FAM117B: variants seen among roughly 807,000 people sequenced by gnomAD.
FAM117B encodes the protein protein FAM117B.
FAM117B carries 22 observed loss-of-function variants against 52.8 expected under a neutral mutation model. That is an observed-to-expected ratio of 0.42 (90% CI 0.30 to 0.59). FAM117B has a LOEUF of 0.59. FAM117B is among the 20% of genes least tolerant of loss of function. The probability of loss-of-function intolerance (pLI) is 0.22; values close to 1 mark genes in which losing one functional copy is unlikely to be tolerated. For synonymous variants in FAM117B, 309 were observed against 324.1 expected (o/e 0.95, Z 0.50); for missense variants, 678 against 802.6 (o/e 0.84, Z 1.88).
At chr2:202,677,217 A>G (rs1465302530) in intron 1 of FAM117B, among the ~76,000 whole-genome samples, 1 of 151,956 alleles carries the variant, frequency 6.6e-6, no homozygotes, top group East Asian at 1.9e-4. Context: ...ACAGGCACGC[A>G]CCACCATTCC....
intron 4 of FAM117B, among the ~76,000 whole-genome samples, chr2:202,741,377 C>G (rs1691533131): frequency 8.1e-6 from 1 of 122,718 alleles, no homozygotes; most frequent in South Asian, 2.9e-4. Context: ...CAGATCATGC[C>G]ACTGCACTCT....
chr2:202,640,721 C>T (rs1372588653), intron 1 of FAM117B, among the ~76,000 whole-genome samples: 2 of 151,794 alleles, frequency 1.3e-5, no homozygotes, highest in African/African-American at 2.4e-5. Context: ...GTAATTCTCC[C>T]GCCTTAGCTT....
chr2:202,698,562 A>AC (rs1254561849), intron 2 of FAM117B, among the ~76,000 whole-genome samples: 1 of 152,106 alleles, frequency 6.6e-6, no homozygotes, highest in Non-Finnish European at 1.5e-5. Flanking sequence ...AGCTGGGACT[A>AC]CAAGCGCACG....
chr2:202,657,044 A>G (rs1690065791), intron 1 of FAM117B, among the ~76,000 whole-genome samples: 1 of 152,056 alleles, frequency 6.6e-6, no homozygotes, highest in Non-Finnish European at 1.5e-5. Flanking sequence ...GGGATGTCTT[A>G]TAGACAGCGT....
At chr2:202,737,490 T>C (rs1691457755) in intron 4 of FAM117B, among the ~76,000 whole-genome samples, 1 of 152,226 alleles carries the variant, frequency 6.6e-6, no homozygotes, top group Non-Finnish European at 1.5e-5. Context: ...CCCTCTCTTT[T>C]TGGGAATGAC....
At chr2:202,712,613 C>G (rs1443389914) in intron 2 of FAM117B, among the ~76,000 whole-genome samples, 2 of 151,972 alleles carry the variant, frequency 1.3e-5, no homozygotes, top group African/African-American at 4.8e-5. Context: ...AAGTGGGCAT[C>G]CTTGTCATAT....
chr2:202,644,053 G>GTTTTTTTTTTTTT (rs1219743876), intron 1 of FAM117B, among the ~76,000 whole-genome samples: 19 of 60,148 alleles, frequency 3.2e-4, no homozygotes, highest in African/African-American at 1.4e-3. Flanking sequence ...TTTAGGAGCT[G>GTTTTTTTTTTTTT]TTTTTTTTTT....
chr2:202,709,819 TG>T (rs1210534691), intron 2 of FAM117B, among the ~76,000 whole-genome samples: 1 of 152,198 alleles, frequency 6.6e-6, no homozygotes, highest in African/African-American at 2.4e-5. Context: ...AGTTGATTTT[TG>T]TATGGGGTAA....
At chr2:202,751,050 G>A (rs1331426460) in intron 4 of FAM117B, among the ~76,000 whole-genome samples, 1 of 152,068 alleles carries the variant, frequency 6.6e-6, no homozygotes, top group African/African-American at 2.4e-5. Flanking sequence ...TAGAATTTAT[G>A]TTTATATTTG....
At chr2:202,663,256 T>C (rs7569317) in intron 1 of FAM117B, among the ~76,000 whole-genome samples, 73,419 of 152,032 alleles carry the variant, frequency 0.48, 18,583 homozygotes, top group East Asian at 0.7. Flanking sequence ...TTGAGTTCCA[T>C]TGTGGTTTGA....
intron 1 of FAM117B, among the ~76,000 whole-genome samples, chr2:202,679,302 A>G (rs1219250881): frequency 1.3e-5 from 2 of 152,214 alleles, no homozygotes; most frequent in African/African-American, 2.4e-5. Context: ...GGCAGGGGGA[A>G]TCTCAGGGCA....
At chr2:202,746,934 A>T (rs1032781044) in intron 4 of FAM117B, among the ~76,000 whole-genome samples, 1 of 148,452 alleles carries the variant, frequency 6.7e-6, no homozygotes, top group African/African-American at 2.5e-5. Flanking sequence ...ACACAGGCAC[A>T]ACAGCCACCA....
intron 1 of FAM117B, among the ~76,000 whole-genome samples, chr2:202,637,017 C>T (rs1044230347): frequency 6.6e-6 from 1 of 151,334 alleles, no homozygotes; most frequent in African/African-American, 2.4e-5. Context: ...CTGCCTCAGT[C>T]TCCTGAGTAG....
At chr2:202,742,303 T>TA (rs1691555302) in intron 4 of FAM117B, among the ~76,000 whole-genome samples, 1 of 152,214 alleles carries the variant, frequency 6.6e-6, no homozygotes. Context: ...AAACATACTA[T>TA]AAAGCCTTTA....
At chr2:202,678,892 C>T (rs1690419896) in intron 1 of FAM117B, among the ~76,000 whole-genome samples, 1 of 152,142 alleles carries the variant, frequency 6.6e-6, no homozygotes, top group Non-Finnish European at 1.5e-5. Flanking sequence ...CCAGCATTTG[C>T]ATATCAAAAT....
chr2:202,763,009 T>C (rs762511091), intron 7 of FAM117B, among the ~76,000 whole-genome samples: 18 of 151,942 alleles, frequency 1.2e-4, no homozygotes, highest in Non-Finnish European at 2.4e-4. Context: ...ATCAGGAAGT[T>C]TGTACTTCAG....
chr2:202,652,488 A>G (rs77539092), intron 1 of FAM117B, among the ~76,000 whole-genome samples: 2,107 of 152,306 alleles, frequency 0.014, 21 homozygotes, highest in Middle Eastern at 0.041. Context: ...AGAATTTAAG[A>G]AAGAGATAAT....
chr2:202,635,262 CG>C lies in FAM117B; in HGVS notation c.80del (p.Gly27AspfsTer9), dbSNP rs1322405496. On this transcript the variant is annotated frameshift_variant, in exon 1 of 8. Coordinates refer to ENST00000392238, the MANE Select transcript of FAM117B (RefSeq NM_173511.4). LOFTEE classifies it high-confidence loss of function. ...SLGGGAVATA[G>X]GPGSRLQPMR... ...TTGGGGGTGGTGCGGTGGCCACGGC[CG>C]GGGGACCCGGGAGCCGCTTGCAGCC... The C allele has an allele frequency of 3.6e-6, 5 of 1,375,894 alleles. No homozygotes were observed. The highest frequency in any genetic ancestry group is 3.2e-5 in the South Asian group (2 of 62,044). The allele number at this position is 1,375,894 out of a possible 1,614,324, so 85.2% of individuals were successfully genotyped here. A position where few individuals can be genotyped will look rare whatever the true frequency, so the allele number is the denominator to read the frequency against.
chr2:202,679,503 A>G (rs1690430332), intron 1 of FAM117B, among the ~76,000 whole-genome samples: 1 of 152,232 alleles, frequency 6.6e-6, no homozygotes, highest in Admixed American at 6.5e-5. Context: ...ATTAGGCTGG[A>G]CAAGGAATGA....
Sources: gnomAD v4.1 joint callset for allele counts (sites outside exome capture counted in the v4.1 genomes callset) on GRCh38, gnomAD v4.1.1 for gene constraint, MANE v1.5 for transcripts, NCBI Gene and HGNC (gene_info 2026-07-23, HGNC 2026-07-21) for gene names.